ZNF367: variants seen among roughly 807,000 people sequenced by gnomAD.
ZNF367 encodes the protein C2H2 zinc finger protein ZFF29.
ZNF367 carries 11 observed loss-of-function variants against 31.8 expected under a neutral mutation model. That is an observed-to-expected ratio of 0.35 (90% CI 0.22 to 0.57). ZNF367 has a LOEUF of 0.57. Among genes scored for constraint, ZNF367 ranks in the 20% least tolerant of loss-of-function variants. The pLI, the probability that ZNF367 is intolerant of heterozygous loss-of-function variation, is 0.85. For synonymous variants in ZNF367, 199 were observed against 202.4 expected (o/e 0.98, Z 0.14); for missense variants, 353 against 484.1 (o/e 0.73, Z 2.54).
intron 1 of ZNF367, among the ~76,000 whole-genome samples, chr9:96,399,291 A>T (rs1831571083): frequency 1.3e-5 from 2 of 152,112 alleles, no homozygotes; most frequent in South Asian, 4.1e-4. Context: ...GCCATTCTGC[A>T]AAGACTGGGA....
chr9:96,405,914 A>G (rs1191569582), intron 1 of ZNF367, among the ~76,000 whole-genome samples: 1 of 152,242 alleles, frequency 6.6e-6, no homozygotes, highest in Non-Finnish European at 1.5e-5. Context: ...CTTTAAAATG[A>G]CTAATTTAAT....
At chr9:96,390,986 G>A (rs1831466291) in intron 4 of ZNF367, among the ~76,000 whole-genome samples, 1 of 152,008 alleles carries the variant, frequency 6.6e-6, no homozygotes, top group African/African-American at 2.4e-5. Context: ...GGAGAAAGAG[G>A]AGGGGAGGAA....
chr9:96,403,891 A>C (rs1258962156), intron 1 of ZNF367, among the ~76,000 whole-genome samples: 1 of 152,182 alleles, frequency 6.6e-6, no homozygotes, highest in African/African-American at 2.4e-5. Flanking sequence ...TAAATATAAG[A>C]ACGAAAACTA....
chr9:96,417,394 G>C lies in ZNF367; in HGVS notation c.420+219C>G, dbSNP rs1831845384. Among the ~76,000 whole-genome samples the C allele has an allele frequency of 6.6e-6, 1 of 150,870 alleles. No individual in the cohort carries two copies. Among genetic ancestry groups the C allele is most frequent in the Non-Finnish European group, 1.5e-5 (1 of 67,700 alleles). ...CGCGCTCCCGCCCACTGCACCTGCC[G>C]CAAGGACGGTCTCCCGCGCCGCTCC... On this transcript the variant is annotated intron_variant, in intron 1 of 4. Transcript: ENST00000375256. The surrounding 1 kb of genome is among the most constrained non-coding windows in gnomAD (Gnocchi z 5.0).
At position 96,417,847 on chromosome 9, in the gene ZNF367, G is replaced by A. The variant is rs746452735; in HGVS notation, c.186C>T (p.Gly62=). 1.2e-5 allele frequency: 18 copies of A among 1,503,306 alleles called. No individual in the cohort carries two copies. In the African/African-American group the frequency reaches 2.6e-4, roughly 22 times the overall value. The allele number at this position is 1,503,306 out of a possible 1,614,324, so 93.1% of individuals were successfully genotyped here. A position where few individuals can be genotyped will look rare whatever the true frequency, so the allele number is the denominator to read the frequency against. The part of the protein sequence containing the change: ...PPPPLIPTSP[G]FSDFMVYPWR... ...ACGGGTACACCATGAAGTCGCTGAA[G>A]CCGGGGCTGGTGGGGATGAGCGGCG... The change falls in exon 1 of 5, where the codon GGC becomes GGT. Residue 62 remains glycine, a synonymous_variant. Transcript: ENST00000375256. This position sits in a 1 kb window ranked among gnomAD's most constrained non-coding sequence, Gnocchi z 5.0.
At chr9:96,413,100 A>G (rs1831772639) in intron 1 of ZNF367, among the ~76,000 whole-genome samples, 1 of 152,234 alleles carries the variant, frequency 6.6e-6, no homozygotes, top group Non-Finnish European at 1.5e-5. Flanking sequence ...GGAGCAGTGC[A>G]GTATAGGGAC....
intron 2 of ZNF367, among the ~76,000 whole-genome samples, chr9:96,396,227 A>G (rs557345132): frequency 1.6e-4 from 25 of 152,300 alleles, no homozygotes; most frequent in Admixed American, 8.5e-4. Flanking sequence ...TCTGCCACAT[A>G]GTCTTGAATC....
chr9:96,418,257 C>T lies in ZNF367; in HGVS notation c.-225G>A, dbSNP rs564866349. ...TCAAGCGCGCCCTCCGCTCTTTGTACTCCGCAGCGCAGGCTGCAGGGGTGG... is the reference window on the plus strand; with the variant it reads ...TCAAGCGCGCCCTCCGCTCTTTGTATTCCGCAGCGCAGGCTGCAGGGGTGG... On this transcript the variant is annotated 5_prime_UTR_variant, in exon 1 of 5. Transcript: ENST00000375256. 9 of 551,732 alleles carry T rather than the reference C, an allele frequency of 1.6e-5. No individual in the cohort carries two copies. The South Asian group carries it at 7.2e-4, about 44-fold the overall frequency. The allele number at this position is 551,732 out of a possible 1,614,324, so 34.2% of individuals were successfully genotyped here.
At chr9:96,416,369 A>G (rs1483534965) in intron 1 of ZNF367, among the ~76,000 whole-genome samples, 1 of 152,192 alleles carries the variant, frequency 6.6e-6, no homozygotes, top group Non-Finnish European at 1.5e-5. Flanking sequence ...TACAGGCGTG[A>G]GCCACCGCAC....
chr9:96,396,590 C>T (rs181232023), intron 2 of ZNF367, among the ~76,000 whole-genome samples: 1 of 152,076 alleles, frequency 6.6e-6, no homozygotes, highest in Admixed American at 6.6e-5. Flanking sequence ...AAGTTCTAAA[C>T]CAGTACTGCC....
intron 4 of ZNF367, among the ~76,000 whole-genome samples, chr9:96,389,896 A>ATTTTTTTTTT (rs777507011): frequency 1.1e-5 from 1 of 94,052 alleles, no homozygotes; most frequent in South Asian, 3.4e-4. Context: ...TGCCTGGCTA[A>ATTTTTTTTTT]TTTTTTTTTT....
At chr9:96,390,369 G>A (rs1831458135) in intron 4 of ZNF367, among the ~76,000 whole-genome samples, 1 of 152,178 alleles carries the variant, frequency 6.6e-6, no homozygotes, top group Non-Finnish European at 1.5e-5. Context: ...GACTAGAAGA[G>A]GAGAATGGCA....
rs1831412383 is a variant in ZNF367 at position 96,386,731 on chromosome 9, G to C, written c.*1506C>G. 6.6e-6 allele frequency: 1 copy of C among 151,980 alleles called. No individual in the cohort carries two copies. The highest frequency in any genetic ancestry group is 1.5e-5 in the Non-Finnish European group (1 of 67,974). 9.4% of individuals were successfully genotyped at this position (151,980 alleles called of 1,614,324 possible). A position where few individuals can be genotyped will look rare whatever the true frequency, so the allele number is the denominator to read the frequency against. On this transcript the variant is annotated 3_prime_UTR_variant, in exon 5 of 5. Transcript: ENST00000375256. ...TTTCTCCTCTTCAAGACATTTACAT[G>C]CCTCCCCTTCCCCGTGGCTACATAT...
At position 96,417,972 on chromosome 9, in the gene ZNF367, TGAC is replaced by T. The variant is rs1225719812; in HGVS notation, c.58_60del (p.Val20del). ...CGCTTCGGGGAGTCGTGGCAGAAGA[TGAC>T]GGGCGGCGGCGGCGGCGGCGGGTTC... On this transcript the variant is annotated inframe_deletion, in exon 1 of 5. Transcript: ENST00000375256. This position sits in a 1 kb window ranked among gnomAD's most constrained non-coding sequence, Gnocchi z 5.0. 2 of 1,464,036 alleles carry T rather than the reference TGAC, an allele frequency of 1.4e-6. No individual in the cohort carries two copies. Among genetic ancestry groups the T allele is most frequent in the Non-Finnish European group, 1.8e-6 (2 of 1,114,642 alleles). The allele number at this position is 1,464,036 out of a possible 1,614,324, so 90.7% of individuals were successfully genotyped here. A position where few individuals can be genotyped will look rare whatever the true frequency, so the allele number is the denominator to read the frequency against.
At position 96,418,130 on chromosome 9, in the gene ZNF367, G is replaced by T; in HGVS notation, c.-98C>A. The T allele has an allele frequency of 2.4e-6, 3 of 1,276,352 alleles. No homozygotes were observed. The highest frequency in any genetic ancestry group is 3.0e-6 in the Non-Finnish European group (3 of 1,010,332). 79.1% of individuals were successfully genotyped at this position (1,276,352 alleles called of 1,614,324 possible). On this transcript the variant is annotated 5_prime_UTR_variant, in exon 1 of 5. Transcript: ENST00000375256. ...TGCTCCGAGTCGCAGGCTCAGTCCT[G>T]CCGGCTCATGGCAGACTGACGTTTC...
At chr9:96,399,539 C>T (rs1831574192) in intron 1 of ZNF367, among the ~76,000 whole-genome samples, 1 of 152,090 alleles carries the variant, frequency 6.6e-6, no homozygotes, top group Admixed American at 6.6e-5. Context: ...AACAAAGTGT[C>T]GGGCGTGGTA....
At chr9:96,405,699 C>T (rs1022007449) in intron 1 of ZNF367, among the ~76,000 whole-genome samples, 2 of 152,016 alleles carry the variant, frequency 1.3e-5, no homozygotes, top group East Asian at 1.9e-4. Flanking sequence ...ACACAAAAGG[C>T]GACATATTAT....
intron 1 of ZNF367, among the ~76,000 whole-genome samples, chr9:96,409,435 ATGAGCCATGT>A (rs1831713231): frequency 6.6e-6 from 1 of 152,146 alleles, no homozygotes; most frequent in African/African-American, 2.4e-5. Context: ...GACACATAAC[ATGAGCCATGT>A]TGAGGCTGAG....
intron 1 of ZNF367, among the ~76,000 whole-genome samples, chr9:96,402,433 C>G (rs1048118462): frequency 2.1e-5 from 3 of 144,030 alleles, no homozygotes; most frequent in Non-Finnish European, 4.5e-5. Flanking sequence ...ACTTCCTTTA[C>G]TTCTTTCTTT....
Sources: allele counts gnomAD v4.1 joint callset (sites outside exome capture counted in the v4.1 genomes callset), GRCh38; gene constraint gnomAD v4.1.1; non-coding constraint Gnocchi (gnomAD v3.1); transcripts MANE v1.5; gene names NCBI Gene and HGNC (gene_info 2026-07-23, HGNC 2026-07-21).